DYSF: variants seen among roughly 807,000 people sequenced by gnomAD.
The protein encoded by DYSF is dysferlin.
A neutral mutation model predicts 274.9 loss-of-function variants in DYSF; 212 were observed. The ratio of observed to expected loss-of-function variants is 0.77; its 90% confidence interval spans 0.69 to 0.86. The LOEUF (loss-of-function observed/expected upper bound fraction) is 0.86. Ranked by LOEUF, DYSF falls within the 40% of genes least tolerant of loss-of-function variation. The pLI, the probability that DYSF is intolerant of heterozygous loss-of-function variation, is 0.00. For synonymous variants in DYSF, 1,091 were observed against 1,078.7 expected, an observed-to-expected ratio of 1.01 and a Z score of -0.22; for missense variants, 2,666 against 2,783.2, an observed-to-expected ratio of 0.96 and a Z score of 0.95.
intron 52 of DYSF, among the ~76,000 whole-genome samples, chr2:71,677,370 T>A (rs1171260484): frequency 1.3e-5 from 2 of 152,232 alleles, no homozygotes; most frequent in Non-Finnish European, 2.9e-5. Context: ...TTTCTATTGA[T>A]CTCTCTTAAT....
intron 1 of DYSF, among the ~76,000 whole-genome samples, chr2:71,474,958 T>G (rs1464171970): frequency 6.6e-6 from 1 of 152,192 alleles, no homozygotes; most frequent in African/African-American, 2.4e-5. Context: ...AGTGGACACG[T>G]AGCTTGCATC....
chr2:71,530,388 C>G (rs1186182228), intron 14 of DYSF, among the ~76,000 whole-genome samples: 1 of 152,206 alleles, frequency 6.6e-6, no homozygotes, highest in Non-Finnish European at 1.5e-5. Flanking sequence ...CCTCAGAGCT[C>G]CGGGGCTCCG....
Position 71,667,527 on chromosome 2 carries a change from A to C in DYSF, c.5457+12A>C. 2 of 1,613,822 alleles carry C rather than the reference A, an allele frequency of 1.2e-6. No individual in the cohort carries two copies. The highest frequency in any genetic ancestry group is 1.7e-6 in the Non-Finnish European group (2 of 1,179,916). On this transcript the variant is annotated intron_variant, in intron 48 of 55. Coordinates refer to ENST00000410020, the MANE Select transcript of DYSF (RefSeq NM_001130987.2). ...CAGACATCGAGCAGGTAGGACCTTG[A>C]CCCTTGGGTCCCAGAGTCCTCGAAC...
chr2:71,627,444 G>GAGT (rs2094227475), intron 41 of DYSF, among the ~76,000 whole-genome samples: 1 of 152,056 alleles, frequency 6.6e-6, no homozygotes, highest in African/African-American at 2.4e-5. Context: ...ATGGTCCAGA[G>GAGT]AGTGTAGTCT....
At chr2:71,618,263 AGAGG>A (rs2093967278) in intron 40 of DYSF, among the ~76,000 whole-genome samples, 2 of 36,192 alleles carry the variant, frequency 5.5e-5, no homozygotes, top group African/African-American at 9.2e-5. Flanking sequence ...CGTGTGTGGT[AGAGG>A]TGTGTGTGTG....
upstream of DYSF, among the ~76,000 whole-genome samples, chr2:71,465,739 G>C (rs1211434190): frequency 6.6e-6 from 1 of 152,196 alleles, no homozygotes; most frequent in Non-Finnish European, 1.5e-5. Flanking sequence ...GTGGGAAGAC[G>C]GACAGTGCCC....
At chr2:71,571,773 GCA>G (rs1253711603) in intron 29 of DYSF, among the ~76,000 whole-genome samples, 5 of 111,998 alleles carry the variant, frequency 4.5e-5, no homozygotes, top group Non-Finnish European at 9.0e-5. Context: ...ATCACACCCA[GCA>G]CACACACAGA....
intron 43 of DYSF, among the ~76,000 whole-genome samples, chr2:71,657,101 C>T (rs1350264518): frequency 2.6e-5 from 4 of 152,200 alleles, no homozygotes; most frequent in African/African-American, 4.8e-5. Context: ...GTAGTTACTT[C>T]CTAGATACAA....
chr2:71,520,138 C>A (rs199614558), intron 10 of DYSF, 40 bp from the exon 11 acceptor site: 7 of 1,613,366 alleles, frequency 4.3e-6, no homozygotes, highest in Non-Finnish European at 5.9e-6. Flanking sequence ...AACGCTTTGG[C>A]GGCAAGAGTT....
chr2:71,538,768 C>T (rs1208327095), intron 16 of DYSF, among the ~76,000 whole-genome samples: 2 of 152,190 alleles, frequency 1.3e-5, no homozygotes, highest in Non-Finnish European at 2.9e-5. Context: ...CTCCTGGAGC[C>T]TCTCAGTTCT....
chr2:71,537,324 C>T (rs1422660370), intron 16 of DYSF, among the ~76,000 whole-genome samples: 2 of 141,462 alleles, frequency 1.4e-5, no homozygotes, highest in East Asian at 2.1e-4. Flanking sequence ...TTGGCTCATG[C>T]AACCTCTGCC....
chr2:71,469,846 A>G (rs1490057319), intron 1 of DYSF, among the ~76,000 whole-genome samples: 1 of 152,172 alleles, frequency 6.6e-6, no homozygotes, highest in African/African-American at 2.4e-5. Flanking sequence ...TTAATTTCCT[A>G]TAGCATTTAA....
intron 30 of DYSF, among the ~76,000 whole-genome samples, chr2:71,575,637 C>T (rs550906844): frequency 5.9e-5 from 9 of 151,972 alleles, no homozygotes; most frequent in Non-Finnish European, 1.2e-4. Context: ...GATGATCCTG[C>T]GGCTCTAGCT....
At position 71,668,845 on chromosome 2, in the gene DYSF, G is replaced by A. The variant is rs1439180233; in HGVS notation, c.5546+3G>A. On this transcript the variant is annotated splice_donor_region_variant and intron_variant, in intron 49 of 55. Coordinates refer to ENST00000410020, the MANE Select transcript of DYSF (RefSeq NM_001130987.2). Reference sequence around the variant, plus strand: ...ATCACCCCACGGAGAGCCAGAAGGTGACTTGCCCAGCCACAGGCTCTGAGC... The same window carrying A: ...ATCACCCCACGGAGAGCCAGAAGGTAACTTGCCCAGCCACAGGCTCTGAGC... 6.2e-7 allele frequency: 1 copy of A among 1,610,600 alleles called. No individual in the cohort carries two copies. The highest frequency in any genetic ancestry group is 8.5e-7 in the Non-Finnish European group (1 of 1,178,968).
At position 71,472,761 on chromosome 2, in the gene DYSF, C is replaced by T. The variant is rs114379892; in HGVS notation, c.91+5828C>T. 7.9e-3 allele frequency among the ~76,000 whole-genome samples: 1,206 copies of T among 152,306 alleles called. 14 individuals carry two copies. Among genetic ancestry groups the T allele is most frequent in the African/African-American group, 0.028 (1,159 of 41,568 alleles). On this transcript the variant is annotated intron_variant, in intron 1 of 55. Transcript: ENST00000410020. ...TGATACTTCATTGTTATCACCTATT[C>T]GTATTTATTCTTACTGAATTACTTT...
At position 71,618,717 on chromosome 2, in the gene DYSF, GGCAGAGGTGGGTGTGTATGTGGA is replaced by G. The variant is rs1485248155; in HGVS notation, c.4465-1828_4465-1806del. On this transcript the variant is annotated intron_variant, in intron 40 of 55. Coordinates refer to ENST00000410020, the MANE Select transcript of DYSF (RefSeq NM_001130987.2). ...TGTGCGTGGTAGAGATGGTGTGTGT[GGCAGAGGTGGGTGTGTATGTGGA>G]GTAGAGGTGGTGGGTGTGTGTCCGT... Among the ~76,000 whole-genome samples the G allele has an allele frequency of 2.4e-4, 37 of 151,378 alleles. 1 individual carries two copies. The highest frequency in any genetic ancestry group is 4.6e-4 in the Admixed American group (7 of 15,184).
chr2:71,487,656 C>G (rs551718217), intron 3 of DYSF, among the ~76,000 whole-genome samples: 7 of 152,108 alleles, frequency 4.6e-5, no homozygotes, highest in Non-Finnish European at 1.0e-4. Flanking sequence ...TTACAGGTGC[C>G]CACCATCTCA....
At position 71,611,523 on chromosome 2, in the gene DYSF, C is replaced by A. The variant is rs1181440492; in HGVS notation, c.4118C>A (p.Pro1373His). The change falls in exon 38 of 56, where the codon CCC (proline) becomes CAC (histidine). Residue 1373 changes from proline (P) to histidine (H), a missense_variant. Pro to His is a moderately conservative substitution (Grantham distance 77). Coordinates refer to ENST00000410020, the MANE Select transcript of DYSF (RefSeq NM_001130987.2). ...TACCAGCTGGCCAACATCTCCTCCC[C>A]CAGCCTCGTGGTAGAGTGTGGGGGC... The part of the protein sequence containing the change: ...KSYQLANISS[P>H]SLVVECGGQT... 1.2e-6 allele frequency: 2 copies of A among 1,614,210 alleles called. No homozygotes were observed. The highest frequency in any genetic ancestry group is 1.7e-6 in the Non-Finnish European group (2 of 1,180,042).
chr2:71,629,661 AT>A (rs202000347), intron 41 of DYSF, among the ~76,000 whole-genome samples: 1,816 of 152,316 alleles, frequency 0.012, 30 homozygotes, highest in African/African-American at 0.041. Context: ...GTTAGTATGC[AT>A]TTTGGCTCCT....
Sources: allele counts gnomAD v4.1 joint callset (sites outside exome capture counted in the v4.1 genomes callset), GRCh38; gene constraint gnomAD v4.1.1; transcripts MANE v1.5; gene names NCBI Gene and HGNC (gene_info 2026-07-23, HGNC 2026-07-21).